The following LPA variants were observed in gnomAD, a reference collection of about 807,000 sequenced individuals.
The protein encoded by LPA is apolipoprotein(a).
A neutral mutation model predicts 197.9 loss-of-function variants in LPA; 199 were observed. The ratio of observed to expected loss-of-function variants is 1.01; its 90% CI spans 0.90 to 1.13. LPA has a LOEUF of 1.13. Ranked by LOEUF, LPA falls within the 50% of genes most tolerant of loss-of-function variation. LPA has a pLI of 0.00. For missense variants in LPA, 1,853 were observed against 1,785.8 expected, an observed-to-expected ratio of 1.04 and a Z score of -0.68; for synonymous variants, 715 against 639.5, an observed-to-expected ratio of 1.12 and a Z score of -1.78.
chr6:160,649,962 C>T (rs1779973653), intron 2 of LPA, among the ~76,000 whole-genome samples: 1 of 152,114 alleles, frequency 6.6e-6, no homozygotes, highest in Non-Finnish European at 1.5e-5. Flanking sequence ...ACTTGTGAGC[C>T]AAGACAGAAA....
Position 160,595,457 on chromosome 6 carries a change from C to T in LPA, c.3366G>A (p.Arg1122=), listed in dbSNP as rs747719861. The part of the protein sequence containing the change: ...PWCYTMDPSV[R]WEYCNLTQCL... ...ATTGTGTCAGGTTGCAGTACTCCCACCTGACACTGGGATCCATGGTGTAAC... is the reference window on the plus strand; with the variant it reads ...ATTGTGTCAGGTTGCAGTACTCCCATCTGACACTGGGATCCATGGTGTAAC... The change falls in exon 21 of 39, where the codon AGG becomes AGA. Residue 1122 remains arginine (R), a synonymous_variant. Transcript: ENST00000316300. The T allele has an allele frequency of 3.1e-6, 5 of 1,613,880 alleles. No homozygotes were observed. In the South Asian group the frequency reaches 5.5e-5, roughly 18 times the overall value.
rs767271271 is a variant in LPA at position 160,545,402 on chromosome 6, AG to A, written c.5398+37del. On this transcript the variant is annotated intron_variant, in intron 33 of 38. Coordinates refer to ENST00000316300, the MANE Select transcript of LPA (RefSeq NM_005577.4). ...CTTTTTTTTTTCCAAATCCATATTA[AG>A]GAAGCAGTTTCCTTACCAAAACAGA... The A allele has an allele frequency of 1.4e-5, 19 of 1,372,592 alleles. No individual in the cohort carries two copies. The East Asian group carries it at 3.9e-4, about 28-fold the overall frequency. 85.0% of individuals were successfully genotyped at this position (1,372,592 alleles called of 1,614,324 possible). A position where few individuals can be genotyped will look rare whatever the true frequency, so the allele number is the denominator to read the frequency against.
intron 1 of LPA, among the ~76,000 whole-genome samples, chr6:160,657,971 T>A (rs77186616): frequency 0.092 from 14,022 of 152,098 alleles, 814 homozygotes; most frequent in Non-Finnish European, 0.14. Context: ...TAGTTATAGG[T>A]CTAGAAGCAT....
chr6:160,606,594 C>G lies in LPA; in HGVS notation c.2668G>C (p.Asp890His). ...PVAAPYCYTRDPSVRWEYCNL... is the reference protein window; with the variant it reads ...PVAAPYCYTRHPSVRWEYCNL... Reference sequence around the variant, plus strand: ...CAGTACTCCCACCTGACACTGGGATCCCTCGTATAACAATAAGGGGCTGCC... The same window carrying G: ...CAGTACTCCCACCTGACACTGGGATGCCTCGTATAACAATAAGGGGCTGCC... Residue 890 changes from aspartate to histidine, a missense_variant, in exon 17 of 39, where the codon GAT becomes CAT. Transcript: ENST00000316300. The G allele has an allele frequency of 6.2e-7, 1 of 1,613,938 alleles. No individual in the cohort carries two copies. Among genetic ancestry groups the G allele is most frequent in the South Asian group, 1.1e-5 (1 of 91,068 alleles).
chr6:160,563,559 G>A (rs1056136194), intron 28 of LPA, among the ~76,000 whole-genome samples: 6 of 152,272 alleles, frequency 3.9e-5, no homozygotes, highest in East Asian at 1.9e-4. Flanking sequence ...TTGTGGTGTC[G>A]AGTTCTGTAG....
At chr6:160,564,765 G>T (rs1346579084) in intron 28 of LPA, among the ~76,000 whole-genome samples, 1 of 152,194 alleles carries the variant, frequency 6.6e-6, no homozygotes, top group Non-Finnish European at 1.5e-5. Context: ...AGCCATGACA[G>T]ATGTACCCGG....
At chr6:160,610,932 C>G (rs1262359481) in intron 16 of LPA, among the ~76,000 whole-genome samples, 2 of 152,112 alleles carry the variant, frequency 1.3e-5, no homozygotes. Flanking sequence ...AATGATTGGC[C>G]ATGGGGTGGT....
intron 7 of LPA, among the ~76,000 whole-genome samples, chr6:160,634,778 C>A (rs1384410053): frequency 6.6e-6 from 1 of 150,854 alleles, no homozygotes. Flanking sequence ...TGAAGAAATC[C>A]CCAGAAAAGC....
intron 28 of LPA, among the ~76,000 whole-genome samples, chr6:160,563,177 C>A (rs1323969296): frequency 6.6e-6 from 1 of 152,178 alleles, no homozygotes; most frequent in African/African-American, 2.4e-5. Flanking sequence ...GATTTTAGAT[C>A]TTTCCCGCTT....
intron 33 of LPA, among the ~76,000 whole-genome samples, chr6:160,545,037 T>C (rs1157108047): frequency 6.6e-6 from 1 of 152,100 alleles, no homozygotes; most frequent in Non-Finnish European, 1.5e-5. Flanking sequence ...CTTAGCTGTT[T>C]CCTGCTGCTC....
chr6:160,650,010 G>A (rs1358298537), intron 2 of LPA, among the ~76,000 whole-genome samples: 1 of 152,166 alleles, frequency 6.6e-6, no homozygotes, highest in African/African-American at 2.4e-5. Flanking sequence ...TTGGAGATTA[G>A]AATTATAGAA....
intron 24 of LPA, among the ~76,000 whole-genome samples, chr6:160,588,291 T>C (rs1249057693): frequency 6.6e-6 from 1 of 152,118 alleles, no homozygotes; most frequent in Admixed American, 6.5e-5. Context: ...TTAATTTACT[T>C]GGAGATCATT....
intron 28 of LPA, among the ~76,000 whole-genome samples, chr6:160,574,592 C>A (rs957723333): frequency 5.9e-5 from 9 of 152,148 alleles, no homozygotes; most frequent in African/African-American, 2.2e-4. Context: ...CTTCCTCTAC[C>A]CCTATATTTT....
intron 26 of LPA, among the ~76,000 whole-genome samples, chr6:160,581,454 CA>C (rs1778800306): frequency 6.6e-6 from 1 of 152,018 alleles, no homozygotes; most frequent in Admixed American, 6.6e-5. Context: ...CACATGGCAC[CA>C]AACCTGGCTA....
intron 2 of LPA, among the ~76,000 whole-genome samples, chr6:160,647,117 C>G (rs1489463710): frequency 2.6e-5 from 4 of 152,330 alleles, no homozygotes; most frequent in East Asian, 3.9e-4. Context: ...AGGACCTTCT[C>G]TCCTGCTCTC....
chr6:160,601,536 A>C (rs1243278498), intron 18 of LPA, among the ~76,000 whole-genome samples: 1 of 152,180 alleles, frequency 6.6e-6, no homozygotes, highest in Admixed American at 6.5e-5. Flanking sequence ...GTAATGTGCG[A>C]GTTGGAACTA....
Position 160,576,684 on chromosome 6 carries a change from G to A in LPA, c.4631+452C>T, listed in dbSNP as rs1484437814. On this transcript the variant is annotated intron_variant, in intron 28 of 38. Transcript: ENST00000316300. ...TATTCAGATGTTTGTGTGTGTGTGT[G>A]TGTGTGTATATATATATATATATAT... 8.1e-3 allele frequency among the ~76,000 whole-genome samples: 748 copies of A among 92,450 alleles called. 3 individuals carry two copies. The highest frequency in any genetic ancestry group is 0.033 in the African/African-American group (716 of 21,806). 60.7% of individuals were successfully genotyped at this position (92,450 alleles called of 152,430 possible).
chr6:160,548,023 C>T, intron 31 of LPA, 86 bp from the exon 32 acceptor site: 1 of 1,405,960 alleles, frequency 7.1e-7, no homozygotes, highest in Non-Finnish European at 1.0e-6. Context: ...TCAATGCAGT[C>T]ATGTCAGGCT....
intron 7 of LPA, 117 bp from the exon 8 acceptor site, chr6:160,634,029 T>TCCATCTGCCTACAGGTAAGGGAAAG: frequency 6.9e-7 from 1 of 1,451,926 alleles, no homozygotes; most frequent in Non-Finnish European, 9.5e-7. Context: ...ATCTTTCCCT[T>TCCATCTGCCTACAGGTAAGGGAAAG]ACCTGTAGGC....
Sources: allele counts gnomAD v4.1 joint callset (sites outside exome capture counted in the v4.1 genomes callset), GRCh38; gene constraint gnomAD v4.1.1; transcripts MANE v1.5; gene names NCBI Gene and HGNC (gene_info 2026-07-23, HGNC 2026-07-21).